The following TMEM40 variants were observed in gnomAD, a reference collection of about 807,000 sequenced individuals.
TMEM40 encodes the protein transmembrane protein 40.
A neutral mutation model predicts 40.8 loss-of-function variants in TMEM40; 34 were observed. That is an observed-to-expected ratio of 0.83 (90% CI 0.63 to 1.11). The LOEUF (loss-of-function observed/expected upper bound fraction) is 1.11. Ranked by LOEUF, TMEM40 falls within the 50% of genes least tolerant of loss-of-function variation. The pLI is 0.00. For synonymous variants in TMEM40, 106 were observed against 107.0 expected (o/e 0.99, Z 0.06); for missense variants, 296 against 280.2 (o/e 1.06, Z -0.40).
upstream of TMEM40, among the ~76,000 whole-genome samples, chr3:12,761,235 G>T (rs1415259070): frequency 6.6e-6 from 1 of 152,218 alleles, no homozygotes; most frequent in Non-Finnish European, 1.5e-5. Context: ...AGCAAGAGAG[G>T]CAGGGCCTCA....
chr3:12,764,677 A>G (rs2061586200), intron 1 of TMEM40, among the ~76,000 whole-genome samples: 1 of 152,182 alleles, frequency 6.6e-6, no homozygotes, highest in Non-Finnish European at 1.5e-5. Context: ...TTTCACCTGT[A>G]AAATGGGCAT....
chr3:12,767,423 G>A (rs1191219622), intron 1 of TMEM40, among the ~76,000 whole-genome samples: 2 of 152,186 alleles, frequency 1.3e-5, no homozygotes, highest in East Asian at 1.9e-4. Flanking sequence ...ATCGATAGAA[G>A]AGATGAGAGG....
In TMEM40 at chr3:12,736,654, T is replaced by C. The variant is rs938922931; in HGVS notation, c.545-2A>G. On this transcript the variant is annotated splice_acceptor_variant, in intron 9 of 11. Transcript: ENST00000314124. LOFTEE classifies it high-confidence loss of function. ...CGACCCCAAGAGACATGAACCAGTC[T>C]GGAAGGGCAGTGAGGGAGGGAATGG... 3 of 1,607,252 alleles carry C rather than the reference T, an allele frequency of 1.9e-6. No individual in the cohort carries two copies. The highest frequency in any genetic ancestry group is 4.5e-5 in the East Asian group (2 of 44,564).
At chr3:12,745,226 AT>A (rs144839288) in intron 3 of TMEM40, among the ~76,000 whole-genome samples, 59,201 of 126,982 alleles carry the variant, frequency 0.47, 13,577 homozygotes, top group African/African-American at 0.49. Context: ...CACCTGGCTA[AT>A]TTTTTTTTTT....
intron 1 of TMEM40, among the ~76,000 whole-genome samples, chr3:12,757,124 G>A (rs545647097): frequency 3.9e-5 from 6 of 152,218 alleles, no homozygotes; most frequent in Admixed American, 2.0e-4. Context: ...CAGAGGATTC[G>A]AATAGACATT....
At chr3:12,767,416 G>A (rs762649993) in intron 1 of TMEM40, among the ~76,000 whole-genome samples, 8 of 152,252 alleles carry the variant, frequency 5.3e-5, no homozygotes, top group Non-Finnish European at 7.4e-5. Flanking sequence ...CTGTGGCATC[G>A]ATAGAAGAGA....
rs756838370 is a variant in TMEM40, at chr3:12,749,833, G to A, written c.-1C>T. 52 of 1,613,540 alleles carry A rather than the reference G, an allele frequency of 3.2e-5. No individual in the cohort carries two copies. Among genetic ancestry groups the A allele is most frequent in the Non-Finnish European group, 4.3e-5 (51 of 1,179,924 alleles). On this transcript the variant is annotated 5_prime_UTR_variant, in exon 2 of 12. Transcript: ENST00000314124. ...GGGAGGAGGATGCTGAAGTCTCCATGGCTTTTCCTGGAGGAATAACAATAA... is the reference window on the plus strand; with the variant it reads ...GGGAGGAGGATGCTGAAGTCTCCATAGCTTTTCCTGGAGGAATAACAATAA...
chr3:12,749,443 C>T (rs1347455140), intron 2 of TMEM40, among the ~76,000 whole-genome samples: 1 of 152,210 alleles, frequency 6.6e-6, no homozygotes, highest in Non-Finnish European at 1.5e-5. Flanking sequence ...AGTCCTAAAC[C>T]TTCCCATTCC....
chr3:12,738,292 G>A (rs967811289), intron 6 of TMEM40, 124 bp from the exon 7 acceptor site: 43 of 1,147,604 alleles, frequency 3.7e-5, no homozygotes, highest in Admixed American at 1.2e-4. Context: ...CAGCCCCCAC[G>A]GTATCCTTCT....
intron 10 of TMEM40, 130 bp downstream of exon 10, chr3:12,736,448 C>T: frequency 1.7e-6 from 2 of 1,205,030 alleles, no homozygotes; most frequent in South Asian, 3.0e-5. Flanking sequence ...CCGCGCCTGG[C>T]CAGAAAATTT....
At chr3:12,751,486 G>T (rs1354366010) in intron 1 of TMEM40, among the ~76,000 whole-genome samples, 4 of 151,556 alleles carry the variant, frequency 2.6e-5, no homozygotes, top group Non-Finnish European at 5.9e-5. Context: ...CACCATATTG[G>T]CCAGGCTGGT....
chr3:12,756,237 C>T (rs2061526123), intron 1 of TMEM40, among the ~76,000 whole-genome samples: 1 of 152,186 alleles, frequency 6.6e-6, no homozygotes, highest in African/African-American at 2.4e-5. Flanking sequence ...TGGATTTCCA[C>T]CCACTACCAT....
intron 5 of TMEM40, among the ~76,000 whole-genome samples, chr3:12,739,607 G>T (rs2061365908): frequency 6.6e-6 from 1 of 150,676 alleles, no homozygotes; most frequent in Non-Finnish European, 1.5e-5. Flanking sequence ...TTTTAATAGA[G>T]ACAGGGTCTT....
In TMEM40 at chr3:12,766,439, C is replaced by T. The variant is rs536791195; in HGVS notation, c.-9+2812G>A. Among the ~76,000 whole-genome samples, 200 of 151,888 alleles carry T rather than the reference C, an allele frequency of 1.3e-3. 2 individuals carry two copies. The highest frequency in any genetic ancestry group is 4.6e-3 in the African/African-American group (192 of 41,416). On this transcript the variant is annotated intron_variant, in intron 1 of 11. Coordinates refer to the TMEM40 transcript ENST00000264728. ...TGAAACCCCATCTCTACTAAAAATA[C>T]AGAAAATTAGCCAGGCGTGGTGGCA...
chr3:12,751,481 T>C (rs1264637877), intron 1 of TMEM40, among the ~76,000 whole-genome samples: 2 of 151,838 alleles, frequency 1.3e-5, no homozygotes, highest in Non-Finnish European at 2.9e-5. Flanking sequence ...GGTTTCACCA[T>C]ATTGGCCAGG....
At chr3:12,760,107 T>A (rs2061558649), upstream of TMEM40, among the ~76,000 whole-genome samples, 1 of 152,162 alleles carries the variant, frequency 6.6e-6, no homozygotes, top group South Asian at 2.1e-4. Context: ...TGGAAAATCC[T>A]GTTGGTCCTG....
At chr3:12,763,328 C>G (rs1335603217), upstream of TMEM40, among the ~76,000 whole-genome samples, 1 of 152,116 alleles carries the variant, frequency 6.6e-6, no homozygotes, top group Non-Finnish European at 1.5e-5. Context: ...TGTGTGTGTA[C>G]CTGGTACAGG....
At chr3:12,736,422 T>C (rs1369396266) in intron 10 of TMEM40, among the ~76,000 whole-genome samples, 156 bp downstream of exon 10, 1 of 152,192 alleles carries the variant, frequency 6.6e-6, no homozygotes, top group Non-Finnish European at 1.5e-5. Context: ...AGTGCTGGGA[T>C]TACAGGCGTA....
chr3:12,735,559 C>T lies in TMEM40; in HGVS notation c.678G>A (p.Leu226=). The change falls in exon 11 of 12, where the codon CTG becomes CTA. Residue 226 remains leucine, a synonymous_variant. Coordinates refer to ENST00000314124, the MANE Select transcript of TMEM40 (RefSeq NM_018306.4). ...GFIPLFQKFR[L]TGFRKTD ...CAGGAAGACTTTAAAAGTTACCTGT[C>T]AGCCTAAACTTCTGGAAGAGGGGGA... is the stretch of plus-strand genomic sequence containing the variant. The T allele has an allele frequency of 6.2e-7, 1 of 1,613,742 alleles. No individual in the cohort carries two copies. The highest frequency in any genetic ancestry group is 2.2e-5 in the East Asian group (1 of 44,860).
Sources: gnomAD v4.1 joint callset for allele counts (sites outside exome capture counted in the v4.1 genomes callset) on GRCh38, gnomAD v4.1.1 for gene constraint, MANE v1.5 for transcripts, NCBI Gene and HGNC (gene_info 2026-07-23, HGNC 2026-07-21) for gene names.